The following TOM1L1 variants were observed in gnomAD, a reference collection of about 807,000 sequenced individuals.
The protein encoded by TOM1L1 is target of myb1 like 1 membrane trafficking protein.
TOM1L1 carries 64 observed loss-of-function variants against 63.4 expected under a neutral mutation model. That is an observed-to-expected ratio of 1.01 (90% CI 0.83 to 1.24). The LOEUF is 1.24. Ranked by LOEUF, TOM1L1 falls within the 50% of genes most tolerant of loss-of-function variation. The pLI is 0.00. For missense variants in TOM1L1, 536 were observed against 567.0 expected, an observed-to-expected ratio of 0.95 and a Z score of 0.55; for synonymous variants, 166 against 194.4, an observed-to-expected ratio of 0.85 and a Z score of 1.22.
intron 14 of TOM1L1, among the ~76,000 whole-genome samples, chr17:54,951,484 AGTG>A (rs1440798795): frequency 1.3e-5 from 2 of 152,198 alleles, no homozygotes; most frequent in Non-Finnish European, 2.9e-5. Flanking sequence ...GGGCGATTAG[AGTG>A]GTGCCTTGGG....
At chr17:54,944,618 TC>T (rs1460793235) in intron 11 of TOM1L1, among the ~76,000 whole-genome samples, 4 of 152,212 alleles carry the variant, frequency 2.6e-5, no homozygotes, top group African/African-American at 9.7e-5. Flanking sequence ...TAGTTTTACT[TC>T]ATGTGAGAAT....
Position 54,938,978 on chromosome 17 carries a change from C to G in TOM1L1, c.1088C>G (p.Pro363Arg). ...VTNNLKPSLH[P>R]QMNLLALENT... is the part of the protein sequence containing the mutation. The stretch of plus-strand genomic sequence containing the variant: ...AACAACTTAAAACCCAGTCTTCATC[C>G]ACAGATGAACTTGCTAGCCTTGGAG... Residue 363 changes from proline to arginine, a missense_variant, in exon 11 of 16, where the codon CCA (proline) becomes CGA (arginine). Coordinates refer to ENST00000575882, the MANE Select transcript of TOM1L1 (RefSeq NM_005486.3). 6.2e-7 allele frequency: 1 copy of G among 1,612,742 alleles called. No homozygotes were observed. The highest frequency in any genetic ancestry group is 8.5e-7 in the Non-Finnish European group (1 of 1,179,164).
chr17:54,934,332 T>G (rs1053869454), intron 8 of TOM1L1, among the ~76,000 whole-genome samples: 1 of 152,224 alleles, frequency 6.6e-6, no homozygotes, highest in African/African-American at 2.4e-5. Flanking sequence ...TCCCTTTGGC[T>G]TAGTGATTTT....
chr17:54,961,523 A>G lies in TOM1L1; in HGVS notation c.*290A>G, dbSNP rs1383249880. Reference sequence around the variant, plus strand: ...GGCCAACCAATTTAACTGCAGTGTCATGTTTCACAGGCCTTCCTACATTTA... The same window carrying G: ...GGCCAACCAATTTAACTGCAGTGTCGTGTTTCACAGGCCTTCCTACATTTA... On this transcript the variant is annotated 3_prime_UTR_variant, in exon 16 of 16. Transcript: ENST00000575882. 1 of 1,401,830 alleles carries G rather than the reference A, an allele frequency of 7.1e-7. No homozygotes were observed. Among genetic ancestry groups the G allele is most frequent in the Non-Finnish European group, 9.2e-7 (1 of 1,081,496 alleles). 86.8% of individuals were successfully genotyped at this position (1,401,830 alleles called of 1,614,324 possible). A position where few individuals can be genotyped will look rare whatever the true frequency, so the allele number is the denominator to read the frequency against.
intron 2 of TOM1L1, among the ~76,000 whole-genome samples, chr17:54,904,360 ACT>A (rs2048376221): frequency 7.2e-6 from 1 of 138,300 alleles, no homozygotes; most frequent in South Asian, 2.3e-4. Context: ...ACAAAGCAAG[ACT>A]CTATCTCAAA....
intron 14 of TOM1L1, 63 bp from the exon 15 acceptor site, chr17:54,960,503 A>T: frequency 7.2e-7 from 1 of 1,382,332 alleles, no homozygotes; most frequent in Non-Finnish European, 1.0e-6. Context: ...GCTGGCAGTT[A>T]AAAACCAAAA....
Position 54,947,270 on chromosome 17 carries a change from A to G in TOM1L1, c.1140A>G (p.Gln380=), listed in dbSNP as rs756799568. The change falls in exon 12 of 16, where the codon CAA becomes CAG. Residue 380 remains glutamine, a synonymous_variant. Transcript: ENST00000575882. ...LENTEIPPFA[Q]RTSQNLTSSH... ...TATCACACTATCCTAGGTTTGCCCA[A>G]AGGACCAGCCAAAACCTCACCTCAA... The G allele has an allele frequency of 1.5e-5, 25 of 1,614,040 alleles. No homozygotes were observed.
chr17:54,920,001 T>G (rs565786691), intron 7 of TOM1L1, among the ~76,000 whole-genome samples: 6,870 of 151,800 alleles, frequency 0.045, 407 homozygotes, highest in African/African-American at 0.13. Flanking sequence ...TTTATTTATT[T>G]ATTTATTTTA....
chr17:54,937,792 A>T (rs1031808293), intron 10 of TOM1L1: 1 of 152,280 alleles, frequency 6.6e-6, no homozygotes, highest in African/African-American at 2.4e-5. Flanking sequence ...GTCAAGGTTA[A>T]CAAACTAATG....
chr17:54,954,810 G>C (rs1389146980), intron 14 of TOM1L1: 1 of 152,186 alleles, frequency 6.6e-6, no homozygotes, highest in Non-Finnish European at 1.5e-5. Flanking sequence ...CTGCAAGGCA[G>C]GGTTTTGATA....
intron 3 of TOM1L1, among the ~76,000 whole-genome samples, chr17:54,911,448 C>T (rs1567821673): frequency 6.6e-6 from 1 of 152,188 alleles, no homozygotes; most frequent in Non-Finnish European, 1.5e-5. Flanking sequence ...TAAACACCTA[C>T]TTAAATGCCC....
intron 14 of TOM1L1, 36 bp downstream of exon 14, chr17:54,950,162 T>C (rs1201353828): frequency 6.4e-7 from 1 of 1,551,756 alleles, no homozygotes; most frequent in South Asian, 1.1e-5. Flanking sequence ...TTATTTTTTG[T>C]CTTGGTTCCC....
intron 11 of TOM1L1, among the ~76,000 whole-genome samples, chr17:54,944,307 G>A (rs573953490): frequency 8.6e-5 from 13 of 151,842 alleles, no homozygotes; most frequent in Non-Finnish European, 1.6e-4. Flanking sequence ...AAAATTAGCC[G>A]GGCGTGGTGG....
chr17:54,915,828 G>A lies in TOM1L1; in HGVS notation c.686G>A (p.Gly229Glu). Reference sequence around the variant, plus strand: ...GCCATATTGATGGAGAATACTCCTGGGTCTGAAAACCATGAAGACATAGAG... The same window carrying A: ...GCCATATTGATGGAGAATACTCCTGAGTCTGAAAACCATGAAGACATAGAG... ...MSAILMENTP[G>E]SENHEDIELL... The change falls in exon 7 of 16, where the codon GGG (glycine) becomes GAG (glutamate). Residue 229 changes from glycine to glutamate, a missense_variant. Coordinates refer to ENST00000575882, the MANE Select transcript of TOM1L1 (RefSeq NM_005486.3). 1 of 1,613,766 alleles carries A rather than the reference G, an allele frequency of 6.2e-7. No individual in the cohort carries two copies. Among genetic ancestry groups the A allele is most frequent in the Non-Finnish European group, 8.5e-7 (1 of 1,179,858 alleles).
At chr17:54,927,506 G>C (rs2048787797) in intron 7 of TOM1L1, among the ~76,000 whole-genome samples, 1 of 152,172 alleles carries the variant, frequency 6.6e-6, no homozygotes, top group South Asian at 2.1e-4. Context: ...CTCTTAATGA[G>C]CTCCTTTTTG....
At chr17:54,943,027 T>C (rs1264089519) in intron 11 of TOM1L1, among the ~76,000 whole-genome samples, 1 of 152,226 alleles carries the variant, frequency 6.6e-6, no homozygotes, top group Non-Finnish European at 1.5e-5. Context: ...TATTGGTTGA[T>C]TGAGTCTTTT....
At chr17:54,932,150 C>CCG (rs1333172531) in intron 8 of TOM1L1, among the ~76,000 whole-genome samples, 61 of 152,130 alleles carry the variant, frequency 4.0e-4, no homozygotes, top group Middle Eastern at 3.4e-3. Context: ...CGGCCAGGGG[C>CCG]ATTGGCAAGA....
intron 7 of TOM1L1, among the ~76,000 whole-genome samples, chr17:54,922,621 C>A (rs8071572): frequency 2.5e-3 from 381 of 152,178 alleles, no homozygotes; most frequent in African/African-American, 8.7e-3. Context: ...AGAAAAATTT[C>A]TTTAAGAAAA....
At chr17:54,910,221 CG>C (rs1349287855) in intron 3 of TOM1L1, among the ~76,000 whole-genome samples, 1 of 152,104 alleles carries the variant, frequency 6.6e-6, no homozygotes, top group Non-Finnish European at 1.5e-5. Context: ...TTTGGGAGGC[CG>C]GGGTGGATGG....
Sources: gnomAD v4.1 joint callset for allele counts (sites outside exome capture counted in the v4.1 genomes callset) on GRCh38, gnomAD v4.1.1 for gene constraint, MANE v1.5 for transcripts, NCBI Gene and HGNC (gene_info 2026-07-23, HGNC 2026-07-21) for gene names.